ARMC1: variants seen among roughly 807,000 people sequenced by gnomAD.
ARMC1 encodes the protein armadillo repeat containing 1, also known as armadillo repeat-containing protein 1.
ARMC1 carries 16 observed loss-of-function variants against 31.4 expected under a neutral mutation model. That is an observed-to-expected ratio of 0.51 (90% CI 0.34 to 0.77). The LOEUF is 0.77. ARMC1 is among the 30% of genes least tolerant of loss of function. The pLI is 0.01. For synonymous variants in ARMC1, 114 were observed against 118.9 expected, an observed-to-expected ratio of 0.96 and a Z score of 0.27; for missense variants, 259 against 347.5, an observed-to-expected ratio of 0.75 and a Z score of 2.02.
chr8:65,632,414 C>CCAT (rs1009451784), intron 1 of ARMC1, among the ~76,000 whole-genome samples: 7 of 152,140 alleles, frequency 4.6e-5, no homozygotes, highest in South Asian at 2.1e-4. Flanking sequence ...GTGATTGAGA[C>CCAT]CATCCTGGCT....
At chr8:65,620,583 C>T (rs1808373262) in intron 3 of ARMC1, among the ~76,000 whole-genome samples, 1 of 151,598 alleles carries the variant, frequency 6.6e-6, no homozygotes, top group Non-Finnish European at 1.5e-5. Flanking sequence ...GTGTGAGCCA[C>T]CACTCCCTGC....
chr8:65,619,193 A>G (rs976391778), intron 3 of ARMC1, among the ~76,000 whole-genome samples: 1 of 152,204 alleles, frequency 6.6e-6, no homozygotes, highest in Non-Finnish European at 1.5e-5. Flanking sequence ...TCCATGAAAC[A>G]AAAATAATCC....
chr8:65,613,130 CT>C (rs1293616322), intron 4 of ARMC1, 113 bp downstream of exon 4: 2 of 826,454 alleles, frequency 2.4e-6, no homozygotes, highest in Non-Finnish European at 3.5e-6. Flanking sequence ...CAAAATGACC[CT>C]TTTTATCAGT....
At chr8:65,623,926 T>G (rs1448054061) in intron 2 of ARMC1, among the ~76,000 whole-genome samples, 1 of 148,232 alleles carries the variant, frequency 6.7e-6, no homozygotes, top group Non-Finnish European at 1.5e-5. Context: ...GCCTCCTGAG[T>G]AGCTGGGATT....
intron 3 of ARMC1, among the ~76,000 whole-genome samples, chr8:65,614,141 C>T (rs1222631467): frequency 2.0e-5 from 3 of 152,122 alleles, no homozygotes; most frequent in Non-Finnish European, 4.4e-5. Context: ...TGAAAAGGAT[C>T]ATTCATACTA....
At chr8:65,605,117 T>C (rs1807974649) in intron 6 of ARMC1, 146 bp downstream of exon 6, 1 of 667,302 alleles carries the variant, frequency 1.5e-6, no homozygotes, top group East Asian at 2.7e-5. Flanking sequence ...GATCTCTCTA[T>C]ATTTCTAAAA....
At chr8:65,618,967 C>T (rs1483696527) in intron 3 of ARMC1, among the ~76,000 whole-genome samples, 1 of 151,914 alleles carries the variant, frequency 6.6e-6, no homozygotes, top group Non-Finnish European at 1.5e-5. Flanking sequence ...CGCTTGAACC[C>T]GGGAGGCGGA....
At chr8:65,605,053 A>G (rs1807973499) in intron 6 of ARMC1, among the ~76,000 whole-genome samples, 1 of 152,244 alleles carries the variant, frequency 6.6e-6, no homozygotes. Flanking sequence ...AGGAAGACAC[A>G]TATCCTTTAT....
intron 4 of ARMC1, among the ~76,000 whole-genome samples, chr8:65,612,379 C>T (rs1212256039): frequency 6.6e-6 from 1 of 151,500 alleles, no homozygotes; most frequent in Non-Finnish European, 1.5e-5. Context: ...TTACTTGAGC[C>T]CAGGAGTTCG....
At position 65,613,306 on chromosome 8, in the gene ARMC1, G is replaced by A. The variant is rs1398333475; in HGVS notation, c.403C>T (p.Leu135=). 3.1e-6 allele frequency: 5 copies of A among 1,611,938 alleles called. No individual in the cohort carries two copies. Among genetic ancestry groups the A allele is most frequent in the Non-Finnish European group, 2.5e-6 (3 of 1,179,306 alleles). The change falls in exon 4 of 7, where the codon CTG becomes TTG. Residue 135 remains leucine, a synonymous_variant. Coordinates refer to ENST00000276569, the MANE Select transcript of ARMC1 (RefSeq NM_018120.6). The stretch of plus-strand genomic sequence containing the variant: ...TTGGCACGTTTGTTTGTAGTTCCCA[G>A]AAAAAATTGAGCTTTCCTTCGACGT... ...NSRRRKAQFF[L]GTTNKRAKTV...
In ARMC1 at chr8:65,627,350, C is replaced by T; in HGVS notation, c.49G>A (p.Val17Ile). The change falls in exon 2 of 7, where the codon GTA becomes ATA. Residue 17 changes from valine (V) to isoleucine (I), a missense_variant. Around this residue, in one of 3 missense-constraint regions of ARMC1, gnomAD observed 163 missense variants for 186.7 expected, o/e 0.87. Coordinates refer to ENST00000276569, the MANE Select transcript of ARMC1 (RefSeq NM_018120.6). ...GCTAGATCCCGTAACTGGTTAACTA[C>T]CGATAGAGCGTCAGGCTCTTCACTC... ...TMSEEPDALSVVNQLRDLAAD... is the reference protein window; with the variant it reads ...TMSEEPDALSIVNQLRDLAAD... 1 of 1,611,930 alleles carries T rather than the reference C, an allele frequency of 6.2e-7. No homozygotes were observed. The highest frequency in any genetic ancestry group is 1.1e-5 in the South Asian group (1 of 90,850).
chr8:65,605,230 T>G lies in ARMC1; in HGVS notation c.657+33A>C, dbSNP rs201794703. 2,056 of 1,562,556 alleles carry G rather than the reference T, an allele frequency of 1.3e-3. 2 individuals carry two copies. The highest frequency in any genetic ancestry group is 1.7e-3 in the Non-Finnish European group (1,952 of 1,146,988). On this transcript the variant is annotated intron_variant, in intron 6 of 6. Transcript: ENST00000276569. Reference sequence around the variant, plus strand: ...GCCATAAAAAATAATTGAGAGTGAGTTGGATATAAAGAAAATTAAACACAA... The same window carrying G: ...GCCATAAAAAATAATTGAGAGTGAGGTGGATATAAAGAAAATTAAACACAA...
At chr8:65,632,151 T>C (rs1011488962) in intron 1 of ARMC1, among the ~76,000 whole-genome samples, 1 of 152,096 alleles carries the variant, frequency 6.6e-6, no homozygotes, top group African/African-American at 2.4e-5. Flanking sequence ...TAAAACTCTG[T>C]AAGATGGCCA....
rs746059007 is a variant in ARMC1 at position 65,627,356 on chromosome 8, G to C, written c.43C>G (p.Leu15Val). Residue 15 changes from leucine (L) to valine (V), a missense_variant, in exon 2 of 7, where the codon CTA (leucine) becomes GTA (valine). Leu to Val is a conservative substitution (Grantham distance 32, BLOSUM62 1). Transcript: ENST00000276569. ...TCCCGTAACTGGTTAACTACCGATA[G>C]AGCGTCAGGCTCTTCACTCATGGTG... Reference protein sequence around the residue: ...TSTMSEEPDALSVVNQLRDLA... With the variant: ...TSTMSEEPDAVSVVNQLRDLA... The C allele has an allele frequency of 1.9e-6, 3 of 1,611,330 alleles. No homozygotes were observed. The highest frequency in any genetic ancestry group is 1.7e-5 in the Admixed American group (1 of 59,546).
At chr8:65,632,206 A>AG (rs1275859366) in intron 1 of ARMC1, among the ~76,000 whole-genome samples, 2 of 152,144 alleles carry the variant, frequency 1.3e-5, no homozygotes, top group Non-Finnish European at 2.9e-5. Context: ...TGGGAGGCCC[A>AG]GGGGGGTGGA....
chr8:65,627,687 T>C (rs548049212), intron 1 of ARMC1, among the ~76,000 whole-genome samples: 3 of 152,366 alleles, frequency 2.0e-5, no homozygotes, highest in African/African-American at 7.2e-5. Context: ...TTAGCACACA[T>C]ATTTTAACAA....
intron 4 of ARMC1, among the ~76,000 whole-genome samples, chr8:65,612,769 G>A (rs1808169397): frequency 6.6e-6 from 1 of 152,124 alleles, no homozygotes; most frequent in Admixed American, 6.5e-5. Context: ...GGCTGAGGCA[G>A]AAGAGACACC....
At chr8:65,604,733 G>A in intron 6 of ARMC1, 148 bp from the exon 7 acceptor site, 1 of 651,826 alleles carries the variant, frequency 1.5e-6, no homozygotes, top group Non-Finnish European at 2.6e-6. Flanking sequence ...AGTAAGCAGA[G>A]TACAAATAAG....
At chr8:65,624,434 G>C (rs557503291) in intron 2 of ARMC1, among the ~76,000 whole-genome samples, 1 of 141,636 alleles carries the variant, frequency 7.1e-6, no homozygotes, top group African/African-American at 2.6e-5. Context: ...GGGAGGCAGA[G>C]GTTGCAGTGA....
Sources: allele counts gnomAD v4.1 joint callset (sites outside exome capture counted in the v4.1 genomes callset), GRCh38; gene constraint gnomAD v4.1.1; regional missense constraint gnomAD v4.1.1; transcripts MANE v1.5; gene names NCBI Gene and HGNC (gene_info 2026-07-23, HGNC 2026-07-21).